Variants in DCC observed in about 807,000 individuals in gnomAD.
DCC encodes the protein netrin receptor DCC.
In DCC, 58 loss-of-function variants were observed where a neutral mutation model predicts 172.5. The observed-to-expected ratio is 0.34, with a 90% CI of 0.27 to 0.42. The LOEUF is 0.42. DCC is among the 10% of genes least tolerant of loss of function. DCC has a pLI of 1.00. For synonymous variants in DCC, 709 were observed against 644.5 expected, an observed-to-expected ratio of 1.10 and a Z score of -1.52; for missense variants, 1,740 against 1,791.0, an observed-to-expected ratio of 0.97 and a Z score of 0.51.
chr18:53,259,259 T>A (rs2056563353), intron 12 of DCC, among the ~76,000 whole-genome samples: 1 of 152,190 alleles, frequency 6.6e-6, no homozygotes, highest in African/African-American at 2.4e-5. Context: ...CATTATGATG[T>A]TAGCTGGTTA....
chr18:52,474,070 A>G (rs550419547), intron 1 of DCC, among the ~76,000 whole-genome samples: 2 of 152,320 alleles, frequency 1.3e-5, no homozygotes, highest in East Asian at 3.9e-4. Flanking sequence ...AAAAACTGCA[A>G]TGTCTCTAAG....
chr18:53,326,742 A>G (rs1417498032), intron 14 of DCC, among the ~76,000 whole-genome samples: 1 of 148,536 alleles, frequency 6.7e-6, no homozygotes, highest in Non-Finnish European at 1.5e-5. Flanking sequence ...TGGGTCCTAA[A>G]TTTTGAGTCC....
chr18:53,427,556 C>CG (rs1296885107), intron 21 of DCC, among the ~76,000 whole-genome samples: 1 of 128,590 alleles, frequency 7.8e-6, no homozygotes, highest in Non-Finnish European at 1.8e-5. Context: ...TATCAGCAGC[C>CG]GGGCAAGGGA....
intron 5 of DCC, among the ~76,000 whole-genome samples, chr18:52,941,928 A>G (rs77854877): frequency 6.6e-6 from 1 of 151,988 alleles, no homozygotes; most frequent in Non-Finnish European, 1.5e-5. Context: ...GATTACAGGC[A>G]CCTGCCACCA....
At chr18:52,836,199 A>G (rs980193446) in intron 2 of DCC, among the ~76,000 whole-genome samples, 2 of 152,122 alleles carry the variant, frequency 1.3e-5, no homozygotes, top group Non-Finnish European at 2.9e-5. Context: ...CCCTTTCATG[A>G]CATGGGATTA....
At chr18:53,330,634 C>T (rs2057520210) in intron 14 of DCC, among the ~76,000 whole-genome samples, 1 of 152,190 alleles carries the variant, frequency 6.6e-6, no homozygotes, top group African/African-American at 2.4e-5. Flanking sequence ...CCCTCAGCCT[C>T]AAGTGTGACA....
chr18:53,232,168 A>T (rs956610576), intron 12 of DCC, among the ~76,000 whole-genome samples: 10 of 151,930 alleles, frequency 6.6e-5, no homozygotes, highest in African/African-American at 2.2e-4. Flanking sequence ...ATATTTGGGG[A>T]TGTCTGTCAA....
intron 11 of DCC, among the ~76,000 whole-genome samples, chr18:53,209,694 T>A (rs186420068): frequency 6.6e-6 from 1 of 152,338 alleles, no homozygotes; most frequent in Admixed American, 6.5e-5. Context: ...TCCATCCAAT[T>A]CTGTTATTGA....
chr18:53,458,845 C>A (rs985639003), intron 23 of DCC, among the ~76,000 whole-genome samples: 2 of 152,092 alleles, frequency 1.3e-5, no homozygotes, highest in Non-Finnish European at 2.9e-5. Flanking sequence ...TTCTATTTGC[C>A]CTTTCAAAGC....
intron 7 of DCC, among the ~76,000 whole-genome samples, chr18:53,089,663 A>G (rs2042974847): frequency 6.6e-6 from 1 of 152,150 alleles, no homozygotes; most frequent in African/African-American, 2.4e-5. Flanking sequence ...CCCTTGACAC[A>G]GTGCCTACTG....
At chr18:52,594,279 A>G (rs1214954836) in intron 1 of DCC, among the ~76,000 whole-genome samples, 2 of 152,204 alleles carry the variant, frequency 1.3e-5, no homozygotes, top group Non-Finnish European at 2.9e-5. Flanking sequence ...GATTTATTCC[A>G]TCATTAGTAT....
At chr18:53,382,754 A>T (rs1197663968) in intron 15 of DCC, among the ~76,000 whole-genome samples, 1 of 152,140 alleles carries the variant, frequency 6.6e-6, no homozygotes, top group Non-Finnish European at 1.5e-5. Context: ...TCCCTTTTGG[A>T]GGGAAAGCAA....
At chr18:53,116,232 A>G (rs374489785) in intron 7 of DCC, among the ~76,000 whole-genome samples, 2 of 151,746 alleles carry the variant, frequency 1.3e-5, no homozygotes, top group African/African-American at 4.8e-5. Flanking sequence ...CTTGAAAATG[A>G]AAGTACACTC....
chr18:52,481,758 T>C (rs2029971416), intron 1 of DCC, among the ~76,000 whole-genome samples: 1 of 152,038 alleles, frequency 6.6e-6, no homozygotes, highest in South Asian at 2.1e-4. Flanking sequence ...GTATGTTGCC[T>C]CAAGGTCCTC....
At chr18:53,275,872 A>C (rs895528210) in intron 12 of DCC, among the ~76,000 whole-genome samples, 3 of 152,022 alleles carry the variant, frequency 2.0e-5, no homozygotes, top group Non-Finnish European at 4.4e-5. Flanking sequence ...TTATATCAGC[A>C]ATACAAATAA....
At chr18:53,053,453 T>G (rs2042361533) in intron 5 of DCC, among the ~76,000 whole-genome samples, 1 of 152,184 alleles carries the variant, frequency 6.6e-6, no homozygotes, top group Admixed American at 6.6e-5. Flanking sequence ...GATTTACTTT[T>G]TATTTCATTA....
chr18:52,540,969 A>G (rs1336346028), intron 1 of DCC, among the ~76,000 whole-genome samples: 2 of 152,096 alleles, frequency 1.3e-5, no homozygotes, highest in Non-Finnish European at 2.9e-5. Context: ...TTGTATTGCA[A>G]TTGGGTGGTG....
At chr18:53,231,900 A>C (rs991248749) in intron 12 of DCC, among the ~76,000 whole-genome samples, 1 of 152,134 alleles carries the variant, frequency 6.6e-6, no homozygotes, top group African/African-American at 2.4e-5. Flanking sequence ...AAGACTGATA[A>C]AAGTCTGATT....
At chr18:52,458,310 A>G (rs1294625700) in intron 1 of DCC, among the ~76,000 whole-genome samples, 2 of 152,096 alleles carry the variant, frequency 1.3e-5, no homozygotes, top group Non-Finnish European at 2.9e-5. Context: ...TGATTGAGCC[A>G]GGGTCACTGA....
Sources: allele counts gnomAD v4.1 joint callset (sites outside exome capture counted in the v4.1 genomes callset), GRCh38; gene constraint gnomAD v4.1.1; transcripts MANE v1.5; gene names NCBI Gene and HGNC (gene_info 2026-07-23, HGNC 2026-07-21).